Variants in POLA1 observed in about 807,000 individuals in gnomAD.
POLA1 encodes DNA polymerase alpha catalytic subunit.
POLA1 carries 15 observed loss-of-function variants against 124.0 expected under a neutral mutation model. The observed-to-expected ratio is 0.12, with a 90% CI of 0.08 to 0.19. The LOEUF (loss-of-function observed/expected upper bound fraction) is 0.19. Ranked by LOEUF, POLA1 falls within the 10% of genes least tolerant of loss-of-function variation. The pLI, the probability that POLA1 is intolerant of heterozygous loss-of-function variation, is 1.00. For synonymous variants in POLA1, 408 were observed against 389.4 expected (o/e 1.05, Z -0.56); for missense variants, 886 against 1,103.4 (o/e 0.80, Z 2.79).
intron 3 of POLA1, among the ~76,000 whole-genome samples, chrX:24,703,647 A>G (rs1271050597): frequency 8.9e-6 from 1 of 112,007 alleles, no homozygotes; most frequent in Non-Finnish European, 1.9e-5. Context: ...TGTGGGGCCA[A>G]TGCACAGCGC....
chrX:24,992,650 GTTTC>G (rs1389292020), intron 36 of POLA1, among the ~76,000 whole-genome samples: 3 of 112,441 alleles, frequency 2.7e-5, no homozygotes, highest in African/African-American at 6.5e-5. Context: ...AGTTCAGTGT[GTTTC>G]TTTAAGTCCA....
At chrX:24,811,279 G>GT (rs2045896430) in intron 28 of POLA1, among the ~76,000 whole-genome samples, 1 of 99,207 alleles carries the variant, frequency 1.0e-5, no homozygotes, top group Non-Finnish European at 2.0e-5. Context: ...GTTTTGTTTT[G>GT]TTTGTTTGTT....
chrX:24,823,989 A>T (rs935892234), intron 31 of POLA1, among the ~76,000 whole-genome samples: 2 of 112,368 alleles, frequency 1.8e-5, no homozygotes, highest in African/African-American at 6.5e-5. Flanking sequence ...TTTAACTTTC[A>T]TTAGACATAA....
chrX:24,866,165 C>T (rs1450583639), intron 34 of POLA1, among the ~76,000 whole-genome samples: 3 of 112,102 alleles, frequency 2.7e-5, no homozygotes, highest in African/African-American at 9.7e-5. Context: ...GTGGTAATCA[C>T]AGGAGTCAGT....
intron 26 of POLA1, among the ~76,000 whole-genome samples, chrX:24,806,067 T>G (rs1350630240): frequency 4.5e-4 from 11 of 24,559 alleles, no homozygotes; most frequent in Admixed American, 1.9e-3. Context: ...TTTTTTTTTT[T>G]TTTTTTTTTT....
At chrX:24,878,587 A>G (rs763242626) in intron 34 of POLA1, among the ~76,000 whole-genome samples, 10 of 111,112 alleles carry the variant, frequency 9.0e-5, no homozygotes, top group Non-Finnish European at 1.7e-4. Flanking sequence ...TATTCAAATC[A>G]TATTCCATAA....
chrX:24,946,238 A>C (rs1350165405), intron 36 of POLA1, among the ~76,000 whole-genome samples: 1 of 110,946 alleles, frequency 9.0e-6, no homozygotes, highest in Non-Finnish European at 1.9e-5. Context: ...AGCTGACTGG[A>C]TCCTGGGTAG....
chrX:24,908,423 G>A (rs1488690296), intron 35 of POLA1, among the ~76,000 whole-genome samples: 2 of 83,467 alleles, frequency 2.4e-5, no homozygotes, highest in Admixed American at 1.7e-4. Flanking sequence ...GGTGTGTGAT[G>A]TTCCCCTTCC....
chrX:24,964,795 A>G (rs2048204818), intron 36 of POLA1, among the ~76,000 whole-genome samples: 1 of 112,153 alleles, frequency 8.9e-6, no homozygotes, highest in Non-Finnish European at 1.9e-5. Context: ...TATGTGCCGG[A>G]CACAGTACAG....
At position 24,741,517 on chromosome X, in the gene POLA1, T is replaced by C. The variant is rs1434706508; in HGVS notation, c.2346+13T>C. 1 of 1,192,762 alleles carries C rather than the reference T, an allele frequency of 8.4e-7. No individual in the cohort carries two copies. The highest frequency in any genetic ancestry group is 1.8e-5 in the South Asian group (1 of 56,153). ...TGGGAACATTATGGTAAATTTAACTTAGAAAGGGGGAAAAAGCATTTCCTG... is the reference window on the plus strand; with the variant it reads ...TGGGAACATTATGGTAAATTTAACTCAGAAAGGGGGAAAAAGCATTTCCTG... On this transcript the variant is annotated intron_variant, in intron 21 of 36. Coordinates refer to ENST00000379068, the MANE Select transcript of POLA1 (RefSeq NM_001330360.2).
chrX:24,988,371 G>A (rs905859551), intron 36 of POLA1, among the ~76,000 whole-genome samples: 2 of 112,613 alleles, frequency 1.8e-5, no homozygotes, highest in Admixed American at 1.9e-4. Flanking sequence ...AATAAGCAGA[G>A]GCTTGACATT....
intron 26 of POLA1, among the ~76,000 whole-genome samples, chrX:24,783,600 T>C (rs1185597374): frequency 1.8e-5 from 2 of 112,268 alleles, no homozygotes; most frequent in East Asian, 5.5e-4. Context: ...TAGGCTATGC[T>C]TCTAAGGATT....
intron 32 of POLA1, among the ~76,000 whole-genome samples, chrX:24,828,612 G>A (rs1474398594): frequency 2.7e-5 from 3 of 111,690 alleles, no homozygotes; most frequent in East Asian, 5.6e-4. Context: ...GTAGATCTCC[G>A]AGTTTTTCCA....
intron 32 of POLA1, among the ~76,000 whole-genome samples, chrX:24,835,089 C>T (rs1197757218): frequency 9.3e-6 from 1 of 108,058 alleles, no homozygotes; most frequent in East Asian, 2.9e-4. Flanking sequence ...ACTCTGTCAC[C>T]CAGGCTGGAG....
chrX:24,858,789 T>C (rs1010076879), intron 34 of POLA1, among the ~76,000 whole-genome samples: 11 of 112,461 alleles, frequency 9.8e-5, no homozygotes, highest in Non-Finnish European at 1.5e-4. Flanking sequence ...AAGTAGGCTG[T>C]CTGAACCCTC....
chrX:24,880,654 C>T (rs1035077988), intron 34 of POLA1, among the ~76,000 whole-genome samples: 1 of 111,852 alleles, frequency 8.9e-6, no homozygotes, highest in Non-Finnish European at 1.9e-5. Context: ...TTTGATATTT[C>T]TGGAAATTCC....
chrX:24,782,664 A>C (rs1331821403), intron 26 of POLA1, among the ~76,000 whole-genome samples: 2 of 110,688 alleles, frequency 1.8e-5, no homozygotes, highest in Non-Finnish European at 3.8e-5. Flanking sequence ...GAAGTGTTTG[A>C]GTCCCTTATA....
intron 36 of POLA1, among the ~76,000 whole-genome samples, chrX:24,983,312 A>G (rs888557297): frequency 8.9e-6 from 1 of 112,296 alleles, no homozygotes; most frequent in African/African-American, 3.2e-5. Flanking sequence ...ACTTATTTGT[A>G]TGTTTTCCTC....
chrX:24,805,890 A>G (rs2148489019), intron 26 of POLA1, among the ~76,000 whole-genome samples: 1 of 109,909 alleles, frequency 9.1e-6, no homozygotes, highest in South Asian at 3.9e-4. Flanking sequence ...TGTCACTTCA[A>G]AGTGAACTTA....
Sources: allele counts gnomAD v4.1 joint callset (sites outside exome capture counted in the v4.1 genomes callset), GRCh38; gene constraint gnomAD v4.1.1; transcripts MANE v1.5; gene names NCBI Gene and HGNC (gene_info 2026-07-23, HGNC 2026-07-21).